Variants in AGBL4 observed in about 807,000 individuals in gnomAD.
AGBL4 encodes the protein cytosolic carboxypeptidase 6.
A neutral mutation model predicts 66.4 loss-of-function variants in AGBL4; 58 were observed. The ratio of observed to expected loss-of-function variants is 0.87; its 90% CI spans 0.71 to 1.09. The LOEUF is 1.09. Among genes scored for constraint, AGBL4 ranks in the 50% least tolerant of loss-of-function variants. The pLI is 0.00. For synonymous variants in AGBL4, 234 were observed against 222.9 expected (o/e 1.05, Z -0.44); for missense variants, 579 against 631.0 (o/e 0.92, Z 0.88).
chr1:49,584,085 A>C (rs1191726123), intron 3 of AGBL4, among the ~76,000 whole-genome samples: 1 of 151,718 alleles, frequency 6.6e-6, no homozygotes, highest in Non-Finnish European at 1.5e-5. Flanking sequence ...TGCTTTGTGG[A>C]GAGTCTTTAG....
chr1:48,846,371 AAG>A (rs1001163056), intron 6 of AGBL4, among the ~76,000 whole-genome samples: 12 of 113,360 alleles, frequency 1.1e-4, no homozygotes, highest in Non-Finnish European at 1.9e-4. Flanking sequence ...AGAAGAAAGA[AAG>A]AAAGAAAGAA....
intron 3 of AGBL4, among the ~76,000 whole-genome samples, chr1:49,260,463 T>C (rs1653024525): frequency 6.6e-6 from 1 of 151,856 alleles, no homozygotes; most frequent in Admixed American, 6.6e-5. Context: ...CAATAAAAAA[T>C]GATAAAGGGG....
rs939372650 is a variant in AGBL4 at position 49,821,883 on chromosome 1, T to C, written c.157+29513A>G. 2.8e-4 allele frequency among the ~76,000 whole-genome samples: 43 copies of C among 152,188 alleles called. 1 individual carries two copies. Among genetic ancestry groups the C allele is most frequent in the Admixed American group, 2.0e-4 (3 of 15,284 alleles). ...TAGAATACATAAATGTGGGTCAACA[T>C]TTACAAGTTATCAATTCTTTTTTTA... On this transcript the variant is annotated intron_variant, in intron 2 of 13. Transcript: ENST00000371839.
At chr1:48,645,643 C>T (rs1645823520) in intron 8 of AGBL4, among the ~76,000 whole-genome samples, 1 of 152,146 alleles carries the variant, frequency 6.6e-6, no homozygotes, top group African/African-American at 2.4e-5. Context: ...ACCTGTGTCT[C>T]AGTTTCCTCA....
At chr1:49,814,964 T>A (rs1645196519) in intron 2 of AGBL4, among the ~76,000 whole-genome samples, 1 of 152,100 alleles carries the variant, frequency 6.6e-6, no homozygotes, top group South Asian at 2.1e-4. Flanking sequence ...TGTGTAAAAA[T>A]CACATCACAG....
In AGBL4 at chr1:50,013,170, C is replaced by T. The variant is rs544203898; in HGVS notation, c.34+10593G>A. Among the ~76,000 whole-genome samples, 10 of 152,166 alleles carry T rather than the reference C, an allele frequency of 6.6e-5. No individual in the cohort carries two copies. In the South Asian group the frequency reaches 1.7e-3, roughly 25 times the overall value. On this transcript the variant is annotated intron_variant, in intron 1 of 13. Coordinates refer to ENST00000371839, the MANE Select transcript of AGBL4 (RefSeq NM_032785.4). ...AAGCTCTAATCAGTACAACACAACA[C>T]GAAATTAGTCCCAAACTAGCAAATG...
intron 4 of AGBL4, among the ~76,000 whole-genome samples, chr1:49,053,152 C>G (rs1363990618): frequency 2.0e-5 from 3 of 152,024 alleles, no homozygotes; most frequent in Non-Finnish European, 4.4e-5. Context: ...CAATGAATTC[C>G]AAGTTCACAC....
At chr1:48,802,927 A>C (rs1375523971) in intron 6 of AGBL4, among the ~76,000 whole-genome samples, 1 of 152,172 alleles carries the variant, frequency 6.6e-6, no homozygotes, top group African/African-American at 2.4e-5. Context: ...AACCCTCAGC[A>C]TCAGGCTCTG....
intron 1 of AGBL4, among the ~76,000 whole-genome samples, chr1:49,909,263 TAC>T (rs35278842): frequency 1.3e-5 from 2 of 151,988 alleles, no homozygotes; most frequent in African/African-American, 4.8e-5. Context: ...TATACATTCA[TAC>T]ACACACACAC....
At chr1:50,001,922 G>A (rs1278081809) in intron 1 of AGBL4, among the ~76,000 whole-genome samples, 2 of 152,090 alleles carry the variant, frequency 1.3e-5, no homozygotes, top group Non-Finnish European at 2.9e-5. Flanking sequence ...GCAACCACTG[G>A]TCTAAGAGAA....
intron 6 of AGBL4, among the ~76,000 whole-genome samples, chr1:48,811,651 A>G (rs1300853471): frequency 3.9e-5 from 6 of 152,032 alleles, no homozygotes; most frequent in African/African-American, 1.4e-4. Context: ...CTATTCTAGG[A>G]TCCCCGTTTC....
At chr1:49,744,448 C>A (rs915926889) in intron 2 of AGBL4, among the ~76,000 whole-genome samples, 2 of 151,538 alleles carry the variant, frequency 1.3e-5, no homozygotes, top group African/African-American at 2.4e-5. Flanking sequence ...AATTAGACCT[C>A]TTTTCTTTGT....
intron 6 of AGBL4, among the ~76,000 whole-genome samples, chr1:48,695,298 A>G (rs1646697209): frequency 6.6e-6 from 1 of 152,160 alleles, no homozygotes; most frequent in African/African-American, 2.4e-5. Flanking sequence ...TTCTAAACAA[A>G]TGGCACAGTG....
chr1:49,845,041 G>T, intron 2 of AGBL4: 1 of 1,445,352 alleles, frequency 6.9e-7, no homozygotes, highest in Non-Finnish European at 9.5e-7. Flanking sequence ...AGACCTAAAT[G>T]CTCTACAGAA....
At chr1:49,942,583 A>C (rs1338948955) in intron 1 of AGBL4, among the ~76,000 whole-genome samples, 1 of 152,164 alleles carries the variant, frequency 6.6e-6, no homozygotes, top group Non-Finnish European at 1.5e-5. Context: ...ACCATAATAA[A>C]ATAACAGTTT....
At chr1:49,146,897 G>C (rs887171256) in intron 4 of AGBL4, among the ~76,000 whole-genome samples, 1 of 152,226 alleles carries the variant, frequency 6.6e-6, no homozygotes, top group Admixed American at 6.5e-5. Context: ...AGCAGCCAGG[G>C]AGCACAATGC....
intron 2 of AGBL4, among the ~76,000 whole-genome samples, chr1:49,838,454 C>G (rs185308344): frequency 1.1e-4 from 17 of 152,236 alleles, no homozygotes; most frequent in Admixed American, 5.2e-4. Flanking sequence ...GAATTTTGTC[C>G]CTAACACTAC....
chr1:49,243,451 C>T (rs4244635), intron 4 of AGBL4, among the ~76,000 whole-genome samples: 139,779 of 151,694 alleles, frequency 0.92, 64,566 homozygotes, highest in South Asian at 0.95. Flanking sequence ...GGGAGATAGG[C>T]TTGGGTGTAG....
intron 3 of AGBL4, among the ~76,000 whole-genome samples, chr1:49,323,340 G>A (rs1645163971): frequency 6.6e-6 from 1 of 151,996 alleles, no homozygotes; most frequent in South Asian, 2.1e-4. Context: ...GGAGTGCAGT[G>A]GCACCATCTC....
Sources: gnomAD v4.1 joint callset for allele counts (sites outside exome capture counted in the v4.1 genomes callset) on GRCh38, gnomAD v4.1.1 for gene constraint, MANE v1.5 for transcripts, NCBI Gene and HGNC (gene_info 2026-07-23, HGNC 2026-07-21) for gene names.